The following HACD4 variants were observed in gnomAD, a reference collection of about 807,000 sequenced individuals.
HACD4 encodes 3-hydroxyacyl-CoA dehydratase 4.
Under a neutral mutation model 33.3 loss-of-function variants are expected in HACD4, and 35 were observed. That is an observed-to-expected ratio of 1.05 (90% CI 0.80 to 1.39). The LOEUF is 1.39. Among genes scored for constraint, HACD4 ranks in the 40% most tolerant of loss-of-function variants. HACD4 has a pLI of 0.00. For synonymous variants in HACD4, 118 were observed against 98.0 expected (o/e 1.20, Z -1.21); for missense variants, 323 against 276.5 (o/e 1.17, Z -1.19).
rs894712885 is a variant in HACD4, at chr9:21,000,675, G to A, written c.*6362C>T. 1.1e-4 allele frequency: 17 copies of A among 151,894 alleles called. No homozygotes were observed. Among genetic ancestry groups the A allele is most frequent in the African/African-American group, 2.9e-4 (12 of 41,324 alleles). The allele number at this position is 151,894 out of a possible 1,614,324, so 9.4% of individuals were successfully genotyped here. A position where few individuals can be genotyped will look rare whatever the true frequency, so the allele number is the denominator to read the frequency against. ...GAATATTAAAATTATCCGAACCAAC[G>A]GGAAACATTATAATTATTAAAAAGC... On this transcript the variant is annotated 3_prime_UTR_variant, in exon 7 of 7. Coordinates refer to ENST00000495827, the MANE Select transcript of HACD4 (RefSeq NM_001010915.5).
At chr9:21,012,401 G>A (rs1842457199) in intron 4 of HACD4, among the ~76,000 whole-genome samples, 1 of 152,168 alleles carries the variant, frequency 6.6e-6, no homozygotes, top group Non-Finnish European at 1.5e-5. Context: ...TGATGCTGAT[G>A]CCACTGGTCT....
chr9:21,022,685 T>G (rs1817952165), intron 3 of HACD4, among the ~76,000 whole-genome samples: 1 of 149,516 alleles, frequency 6.7e-6, no homozygotes, highest in Admixed American at 6.7e-5. Context: ...CTCACACCAG[T>G]TAGAATGGCA....
chr9:21,016,725 AG>A (rs1223619759), intron 3 of HACD4, among the ~76,000 whole-genome samples: 1 of 126,172 alleles, frequency 7.9e-6, no homozygotes, highest in Non-Finnish European at 1.8e-5. Flanking sequence ...TGGGTTGTGA[AG>A]GGTTTTGAAA....
At chr9:21,030,369 G>A (rs147553499) in intron 1 of HACD4, among the ~76,000 whole-genome samples, 1 of 152,144 alleles carries the variant, frequency 6.6e-6, no homozygotes, top group African/African-American at 2.4e-5. Context: ...TTGAACCTGG[G>A]AGGTAGAGGC....
Position 21,020,213 on chromosome 9 carries a change from A to G in HACD4, c.271-4203T>C, listed in dbSNP as rs539799918. 1.2e-4 allele frequency among the ~76,000 whole-genome samples: 18 copies of G among 144,172 alleles called. No homozygotes were observed. In the East Asian group the frequency reaches 3.9e-3, roughly 31 times the overall value. 94.6% of individuals were successfully genotyped at this position (144,172 alleles called of 152,430 possible). On this transcript the variant is annotated intron_variant, in intron 3 of 6. Coordinates refer to ENST00000495827, the MANE Select transcript of HACD4 (RefSeq NM_001010915.5). ...TTGAGTAAAAATGTGTAAAATTAAT[A>G]GTGCAGGAGTGTTTATTATGACACA... is the stretch of plus-strand genomic sequence containing the variant.
chr9:21,010,937 C>A (rs998261140), intron 5 of HACD4, among the ~76,000 whole-genome samples: 3 of 152,082 alleles, frequency 2.0e-5, no homozygotes, highest in Non-Finnish European at 1.5e-5. Flanking sequence ...AGAGCTCAGG[C>A]GATAATGTGG....
intron 4 of HACD4, among the ~76,000 whole-genome samples, chr9:21,014,386 A>C (rs1295948633): frequency 6.6e-6 from 1 of 152,210 alleles, no homozygotes; most frequent in African/African-American, 2.4e-5. Context: ...TCAGCCCAAA[A>C]TGCAATGAAG....
At chr9:21,013,539 T>G (rs1253713709) in intron 4 of HACD4, among the ~76,000 whole-genome samples, 2 of 152,252 alleles carry the variant, frequency 1.3e-5, no homozygotes, top group African/African-American at 4.8e-5. Flanking sequence ...ATTTCTGCAA[T>G]GAAGTTATCT....
Position 21,029,409 on chromosome 9 carries a change from A to C in HACD4, c.39-11T>G. On this transcript the variant is annotated splice_polypyrimidine_tract_variant and intron_variant, in intron 1 of 6. Transcript: ENST00000495827. ...GCATTCTTCCTATACCTATAAATAC[A>C]GGAAAATACCATTAAACACTTCTTT... 1.4e-6 allele frequency: 2 copies of C among 1,459,874 alleles called. No homozygotes were observed. Among genetic ancestry groups the C allele is most frequent in the Non-Finnish European group, 1.9e-6 (2 of 1,051,320 alleles). 90.4% of individuals were successfully genotyped at this position (1,459,874 alleles called of 1,614,324 possible).
intron 5 of HACD4, 25 bp from the exon 6 acceptor site, chr9:21,008,171 A>G (rs746782819): frequency 1.9e-6 from 3 of 1,592,512 alleles, no homozygotes; most frequent in Non-Finnish European, 1.7e-6. Context: ...AGGCATCATA[A>G]AGGTATTCCT....
Position 21,004,582 on chromosome 9 carries a change from G to T in HACD4, c.*2455C>A, listed in dbSNP as rs1183789939. 2 of 152,292 alleles carry T rather than the reference G, an allele frequency of 1.3e-5. No individual in the cohort carries two copies. The highest frequency in any genetic ancestry group is 4.8e-5 in the African/African-American group (2 of 41,446). The allele number at this position is 152,292 out of a possible 1,614,324, so 9.4% of individuals were successfully genotyped here. A position where few individuals can be genotyped will look rare whatever the true frequency, so the allele number is the denominator to read the frequency against. ...AAGGCATTCATCTGCAAACCATGAA[G>T]AAGAATCAGCTAGCACCTTGGAACC... On this transcript the variant is annotated 3_prime_UTR_variant, in exon 7 of 7. Transcript: ENST00000495827. The surrounding 1 kb of genome is among the most constrained non-coding windows in gnomAD (Gnocchi z 4.6).
Position 21,008,090 on chromosome 9 carries a change from T to G in HACD4, c.547A>C (p.Lys183Gln), listed in dbSNP as rs1282554311. The G allele has an allele frequency of 3.7e-6, 6 of 1,611,480 alleles. No individual in the cohort carries two copies. Among genetic ancestry groups the G allele is most frequent in the Non-Finnish European group, 5.1e-6 (6 of 1,178,592 alleles). ...TAGATGGATAAGTCAAAGGGCAGCTTGGTGGAATAAGTGCCAAATGATTCA... is the reference window on the plus strand; with the variant it reads ...TAGATGGATAAGTCAAAGGGCAGCTGGGTGGAATAAGTGCCAAATGATTCA... The part of the protein sequence containing the change: ...YFESFGTYST[K>Q]LPFDLSIYFP... Residue 183 changes from lysine to glutamine, a missense_variant, in exon 6 of 7, where the codon AAG (lysine) becomes CAG (glutamine). Coordinates refer to ENST00000495827, the MANE Select transcript of HACD4 (RefSeq NM_001010915.5).
At position 21,010,614 on chromosome 9, in the gene HACD4, C is replaced by A. The variant is rs542609291; in HGVS notation, c.490+975G>T. ...GGTTTTGTGGAAGACAGTTTTTCCA[C>A]AGACCAGAGGAAGAAGGATGGTTTC... On this transcript the variant is annotated intron_variant, in intron 5 of 6. Transcript: ENST00000495827. 3.0e-3 allele frequency among the ~76,000 whole-genome samples: 452 copies of A among 152,218 alleles called. 3 individuals carry two copies. The highest frequency in any genetic ancestry group is 0.011 in the African/African-American group (438 of 41,516).
In HACD4 at chr9:21,004,162, A is replaced by G. The variant is rs758389255; in HGVS notation, c.*2875T>C. On this transcript the variant is annotated 3_prime_UTR_variant, in exon 7 of 7. Coordinates refer to ENST00000495827, the MANE Select transcript of HACD4 (RefSeq NM_001010915.5). The surrounding 1 kb of genome is among the most constrained non-coding windows in gnomAD (Gnocchi z 4.6). ...GCTGGGATTACAGGCATGCGCCACC[A>G]TGCCTGGCTAATTTTTGTATTTTTA... is the stretch of plus-strand genomic sequence containing the variant. The G allele has an allele frequency of 2.0e-5, 3 of 152,184 alleles. No individual in the cohort carries two copies. Among genetic ancestry groups the G allele is most frequent in the Non-Finnish European group, 4.4e-5 (3 of 68,102 alleles). 9.4% of individuals were successfully genotyped at this position (152,184 alleles called of 1,614,324 possible).
At chr9:21,019,920 A>G (rs1315759493) in intron 3 of HACD4, among the ~76,000 whole-genome samples, 1 of 152,118 alleles carries the variant, frequency 6.6e-6, no homozygotes, top group Non-Finnish European at 1.5e-5. Context: ...CTAAAAATAA[A>G]TTAGGGTAAA....
chr9:21,029,377 A>C lies in HACD4; in HGVS notation c.60T>G (p.Leu20=). ...LQPRYRKNAY[L]FIYYLIQFCG... is the part of the protein sequence containing the mutation. ...AGAACTGGATTAAGTAATAGATGAAAAGATACGCATTCTTCCTATACCTAT... is the reference window on the plus strand; with the variant it reads ...AGAACTGGATTAAGTAATAGATGAACAGATACGCATTCTTCCTATACCTAT... Residue 20 remains leucine, a synonymous_variant, in exon 2 of 7, where the codon CTT becomes CTG. Coordinates refer to ENST00000495827, the MANE Select transcript of HACD4 (RefSeq NM_001010915.5). 6.3e-7 allele frequency: 1 copy of C among 1,587,728 alleles called. No individual in the cohort carries two copies. The highest frequency in any genetic ancestry group is 2.2e-5 in the East Asian group (1 of 44,670).
intron 5 of HACD4, among the ~76,000 whole-genome samples, chr9:21,010,142 CT>C (rs1343675600): frequency 6.6e-6 from 1 of 152,178 alleles, no homozygotes; most frequent in East Asian, 1.9e-4. Flanking sequence ...ACACCATGTC[CT>C]TATGTTTTTC....
Position 21,001,709 on chromosome 9 carries a change from G to A in HACD4, c.*5328C>T, listed in dbSNP as rs1842168707. On this transcript the variant is annotated 3_prime_UTR_variant, in exon 7 of 7. Transcript: ENST00000495827. ...AACTTTGGAGGCCAGAATGCAGTGA[G>A]CTCACATATTCAAAGTGTTAGGAAA... 1 of 152,088 alleles carries A rather than the reference G, an allele frequency of 6.6e-6. No homozygotes were observed. The highest frequency in any genetic ancestry group is 2.4e-5 in the African/African-American group (1 of 41,424). The allele number at this position is 152,088 out of a possible 1,614,324, so 9.4% of individuals were successfully genotyped here.
chr9:21,031,369 G>C (rs1818213694), intron 1 of HACD4, 184 bp downstream of exon 1: 1 of 701,300 alleles, frequency 1.4e-6, no homozygotes, highest in Non-Finnish European at 1.8e-6. Context: ...CTGCTTCCTA[G>C]GGTGGTCAAG....
Sources: gnomAD v4.1 joint callset for allele counts (sites outside exome capture counted in the v4.1 genomes callset) on GRCh38, gnomAD v4.1.1 for gene constraint, Gnocchi (gnomAD v3.1) non-coding constraint, MANE v1.5 for transcripts, NCBI Gene and HGNC (gene_info 2026-07-23, HGNC 2026-07-21) for gene names.